Variants in SKA2 observed in about 807,000 individuals in gnomAD.
SKA2 encodes spindle and kinetochore-associated protein 2.
A neutral mutation model predicts 16.9 loss-of-function variants in SKA2; 13 were observed. The ratio of observed to expected loss-of-function variants is 0.77; its 90% confidence interval spans 0.50 to 1.22. SKA2 has a LOEUF of 1.22. Ranked by LOEUF, SKA2 falls within the 50% of genes most tolerant of loss-of-function variation. The pLI, the probability that SKA2 is intolerant of heterozygous loss-of-function variation, is 0.00. For missense variants in SKA2, 107 were observed against 139.7 expected, an observed-to-expected ratio of 0.77 and a Z score of 1.18; for synonymous variants, 47 against 48.5, an observed-to-expected ratio of 0.97 and a Z score of 0.13.
intron 3 of SKA2, among the ~76,000 whole-genome samples, chr17:59,117,202 C>T (rs1246017090): frequency 1.3e-5 from 2 of 152,060 alleles, no homozygotes; most frequent in Non-Finnish European, 2.9e-5. Flanking sequence ...CTTGCAAGTC[C>T]TTTAAACTCT....
chr17:59,117,389 T>G (rs2046303672), intron 3 of SKA2, among the ~76,000 whole-genome samples: 1 of 151,998 alleles, frequency 6.6e-6, no homozygotes, highest in Admixed American at 6.6e-5. Context: ...TATCTCATTT[T>G]TATTTTAGTT....
At chr17:59,133,139 G>C (rs1482651464) in intron 1 of SKA2, among the ~76,000 whole-genome samples, 2 of 152,112 alleles carry the variant, frequency 1.3e-5, no homozygotes, top group Non-Finnish European at 2.9e-5. Flanking sequence ...ATGGCACCCA[G>C]CTAATTTTTG....
chr17:59,142,187 T>C (rs2046495542), intron 1 of SKA2, among the ~76,000 whole-genome samples: 1 of 152,188 alleles, frequency 6.6e-6, no homozygotes, highest in Non-Finnish European at 1.5e-5. Context: ...ATTCTTCTAT[T>C]TTCTTTGAGA....
intron 3 of SKA2, 50 bp downstream of exon 3, chr17:59,119,269 C>A: frequency 6.4e-7 from 1 of 1,573,118 alleles, no homozygotes; most frequent in Non-Finnish European, 8.6e-7. Flanking sequence ...TTCAAAGCAA[C>A]ACTCAGAGCT....
chr17:59,116,548 T>C, intron 3 of SKA2, among the ~76,000 whole-genome samples: 1 of 152,150 alleles, frequency 6.6e-6, no homozygotes, highest in Non-Finnish European at 1.5e-5. Context: ...TATTATCAAT[T>C]CAGGTGTTCT....
At chr17:59,139,373 G>A (rs992788506) in intron 1 of SKA2, among the ~76,000 whole-genome samples, 10 of 144,090 alleles carry the variant, frequency 6.9e-5, no homozygotes, top group Admixed American at 7.0e-5. Context: ...CTCCAGCCTG[G>A]GCAACAGAGC....
In SKA2 at chr17:59,110,958, T is replaced by C. The variant is rs2046260498; in HGVS notation, c.*1319A>G. The C allele has an allele frequency of 6.6e-6, 1 of 152,324 alleles. No individual in the cohort carries two copies. The highest frequency in any genetic ancestry group is 1.5e-5 in the Non-Finnish European group (1 of 68,022). The allele number at this position is 152,324 out of a possible 1,614,324, so 9.4% of individuals were successfully genotyped here. On this transcript the variant is annotated 3_prime_UTR_variant, in exon 4 of 4. Transcript: ENST00000330137. The stretch of plus-strand genomic sequence containing the variant: ...TTAAAATTACATAAAAGTATAATTC[T>C]ATAACCTGCAGAACTAACATTTGAT...
intron 3 of SKA2, among the ~76,000 whole-genome samples, chr17:59,118,807 C>G (rs369923995): frequency 6.6e-6 from 1 of 152,160 alleles, no homozygotes; most frequent in Non-Finnish European, 1.5e-5. Flanking sequence ...CTTGATCAAA[C>G]TGACCTGGGT....
At chr17:59,115,386 G>A (rs1001066322) in intron 3 of SKA2, among the ~76,000 whole-genome samples, 7 of 151,906 alleles carry the variant, frequency 4.6e-5, no homozygotes, top group Admixed American at 6.6e-5. Context: ...GCCACATTAC[G>A]TTATGTAAAT....
chr17:59,119,750 A>G (rs1435215795), intron 2 of SKA2, among the ~76,000 whole-genome samples: 1 of 152,184 alleles, frequency 6.6e-6, no homozygotes, highest in Non-Finnish European at 1.5e-5. Flanking sequence ...ATTAAACAGC[A>G]AATAAGGGTC....
At chr17:59,139,851 T>C (rs2046474823) in intron 1 of SKA2, among the ~76,000 whole-genome samples, 1 of 152,186 alleles carries the variant, frequency 6.6e-6, no homozygotes, top group Admixed American at 6.6e-5. Context: ...GTTTTTAATA[T>C]ACAGCCTAAT....
chr17:59,112,853 A>G (rs2046272331), intron 3 of SKA2, among the ~76,000 whole-genome samples: 1 of 152,158 alleles, frequency 6.6e-6, no homozygotes, highest in Non-Finnish European at 1.5e-5. Flanking sequence ...GAAGGAATAA[A>G]TGATAAGGAA....
intron 3 of SKA2, among the ~76,000 whole-genome samples, chr17:59,117,188 G>C (rs1353709743): frequency 6.6e-6 from 1 of 151,912 alleles, no homozygotes; most frequent in East Asian, 1.9e-4. Flanking sequence ...TTTACAAATT[G>C]TACCTTGCAA....
chr17:59,119,449 C>T lies in SKA2; in HGVS notation c.167G>A (p.Arg56Gln), dbSNP rs753330101. ...AAAGCGGGCATACAAAGTTTGATAT[C>T]GAGACTTTATCACTGACAATTCCTT... is the stretch of plus-strand genomic sequence containing the variant. The part of the protein sequence containing the change: ...LLKELSVIKS[R>Q]YQTLYARFKP... Residue 56 changes from arginine to glutamine, a missense_variant, in exon 3 of 4, where the codon CGA (arginine) becomes CAA (glutamine). Physicochemically the swap from Arg to Gln is conservative, Grantham distance 43. Transcript: ENST00000330137. 15 of 1,613,784 alleles carry T rather than the reference C, an allele frequency of 9.3e-6. No homozygotes were observed. The highest frequency in any genetic ancestry group is 4.0e-5 in the African/African-American group (3 of 74,898).
chr17:59,137,844 T>C (rs2046457749), intron 1 of SKA2: 1 of 528,250 alleles, frequency 1.9e-6, no homozygotes, highest in Non-Finnish European at 3.9e-6. Context: ...ACAATATTGA[T>C]AGGGTTCTAG....
At chr17:59,139,591 C>T (rs1176606233) in intron 1 of SKA2, among the ~76,000 whole-genome samples, 2 of 152,062 alleles carry the variant, frequency 1.3e-5, no homozygotes, top group Non-Finnish European at 2.9e-5. Flanking sequence ...CTCACGTAAT[C>T]TGCCCGCCTT....
At chr17:59,148,903 A>G (rs1036240226) in intron 1 of SKA2, among the ~76,000 whole-genome samples, 1 of 152,126 alleles carries the variant, frequency 6.6e-6, no homozygotes, top group African/African-American at 2.4e-5. Flanking sequence ...AAGCATATGA[A>G]AAAAGGTTTA....
chr17:59,147,805 C>A (rs1434675278), intron 1 of SKA2, among the ~76,000 whole-genome samples: 2 of 140,934 alleles, frequency 1.4e-5, no homozygotes, highest in Non-Finnish European at 3.1e-5. Flanking sequence ...TCACACTAAA[C>A]AGACTATTAA....
intron 2 of SKA2, among the ~76,000 whole-genome samples, 178 bp downstream of exon 2, chr17:59,131,103 T>G (rs2046408852): frequency 6.6e-6 from 1 of 152,194 alleles, no homozygotes; most frequent in African/African-American, 2.4e-5. Flanking sequence ...TCACGGACTA[T>G]TGGTACTATT....
Sources: allele counts gnomAD v4.1 joint callset (sites outside exome capture counted in the v4.1 genomes callset), GRCh38; gene constraint gnomAD v4.1.1; transcripts MANE v1.5; gene names NCBI Gene and HGNC (gene_info 2026-07-23, HGNC 2026-07-21).